The following HDAC4 variants were observed in gnomAD, a reference collection of about 807,000 sequenced individuals.
HDAC4 encodes the protein histone deacetylase 4.
A neutral mutation model predicts 135.1 loss-of-function variants in HDAC4; 16 were observed. The observed-to-expected ratio is 0.12, with a 90% CI of 0.08 to 0.18. The LOEUF is 0.18. Among genes scored for constraint, HDAC4 ranks in the 10% least tolerant of loss-of-function variants. HDAC4 has a pLI of 1.00. For synonymous variants in HDAC4, 685 were observed against 653.4 expected, an observed-to-expected ratio of 1.05 and a Z score of -0.74; for missense variants, 1,143 against 1,511.8, an observed-to-expected ratio of 0.76 and a Z score of 4.05.
chr2:239,202,651 C>A (rs930391456), intron 3 of HDAC4, among the ~76,000 whole-genome samples: 1 of 152,034 alleles, frequency 6.6e-6, no homozygotes, highest in Admixed American at 6.6e-5. Flanking sequence ...ACCCTCCACG[C>A]GGGAGGGGCG....
At chr2:239,216,404 T>G (rs1428402021) in intron 3 of HDAC4, among the ~76,000 whole-genome samples, 3 of 152,050 alleles carry the variant, frequency 2.0e-5, no homozygotes, top group Non-Finnish European at 2.9e-5. Flanking sequence ...CAACTGGCGA[T>G]GAGGAGGAAG....
rs1377178016 is a variant in HDAC4 at position 239,146,476 on chromosome 2, C to T, written c.734-1762G>A. Among the ~76,000 whole-genome samples, 1 of 152,106 alleles carries T rather than the reference C, an allele frequency of 6.6e-6. No homozygotes were observed. The highest frequency in any genetic ancestry group is 2.4e-5 in the African/African-American group (1 of 41,416). On this transcript the variant is annotated intron_variant, in intron 7 of 26. Transcript: ENST00000543185. This position sits in a 1 kb window ranked among gnomAD's most constrained non-coding sequence, Gnocchi z 4.5. ...CTGCCACATAGAGTGGGACACGTGG[C>T]ATCGGGAGGCGGGCATGACATGGTC...
At chr2:239,365,963 T>C (rs1352328930) in intron 1 of HDAC4, among the ~76,000 whole-genome samples, 2 of 143,884 alleles carry the variant, frequency 1.4e-5, no homozygotes, top group East Asian at 4.3e-4. Context: ...CAGACATGCA[T>C]GCACACAGCA....
At chr2:239,062,070 G>A (rs2032826546) in intron 24 of HDAC4, among the ~76,000 whole-genome samples, 1 of 152,360 alleles carries the variant, frequency 6.6e-6, no homozygotes, top group East Asian at 1.9e-4. Flanking sequence ...GCGCCCACAC[G>A]ACTCCACGGC....
intron 2 of HDAC4, among the ~76,000 whole-genome samples, chr2:239,263,275 G>GGA (rs2049491542): frequency 1.3e-5 from 1 of 79,554 alleles, no homozygotes. Context: ...CCCCCGCCCA[G>GGA]CCCAGCCCCC....
At chr2:239,217,069 C>T (rs2046682842) in intron 3 of HDAC4, among the ~76,000 whole-genome samples, 1 of 152,158 alleles carries the variant, frequency 6.6e-6, no homozygotes, top group Non-Finnish European at 1.5e-5. Context: ...GGCAGACATT[C>T]TCACACCCTG....
In HDAC4 at chr2:239,313,165, G is replaced by A. The variant is rs2052967864; in HGVS notation, c.22+39513C>T. 6.6e-6 allele frequency among the ~76,000 whole-genome samples: 1 copy of A among 152,158 alleles called. No homozygotes were observed. Among genetic ancestry groups the A allele is most frequent in the African/African-American group, 2.4e-5 (1 of 41,438 alleles). On this transcript the variant is annotated intron_variant, in intron 2 of 26. Coordinates refer to ENST00000543185, the MANE Select transcript of HDAC4 (RefSeq NM_001378414.1). This position sits in a 1 kb window ranked among gnomAD's most constrained non-coding sequence, Gnocchi z 5.1. ...AGGAAGCTGCAGCCCGTTATCCACC[G>A]CCCAGTCTCTCCCTCTCACCAGCAC...
chr2:239,185,949 G>A (rs990361654), intron 4 of HDAC4, among the ~76,000 whole-genome samples: 18 of 152,118 alleles, frequency 1.2e-4, no homozygotes, highest in African/African-American at 2.2e-4. Flanking sequence ...CATGAGCATC[G>A]CTTGAACCTG....
chr2:239,109,943 G>A (rs1027740800), intron 14 of HDAC4, among the ~76,000 whole-genome samples: 2 of 152,322 alleles, frequency 1.3e-5, no homozygotes, highest in South Asian at 4.1e-4. Flanking sequence ...CTGGAGCGTA[G>A]AGAGATGGAG....
Position 239,084,158 on chromosome 2 carries a change from G to A in HDAC4, c.2529C>T (p.Asp843=). Residue 843 remains aspartate, a synonymous_variant, in exon 20 of 27, where the codon GAC becomes GAT. Transcript: ENST00000543185. ...RLSVSKILIV[D]WDVHHGNGTQ... is the part of the protein sequence containing the mutation. ...TGGCCAAGGCGGCTCTGCTTACCCA[G>A]TCCACGATGAGGATCTTGCTCACGC... 1 of 1,612,288 alleles carries A rather than the reference G, an allele frequency of 6.2e-7. No homozygotes were observed. Among genetic ancestry groups the A allele is most frequent in the Non-Finnish European group, 8.5e-7 (1 of 1,178,736 alleles).
Position 239,081,078 on chromosome 2 carries a change from G to A in HDAC4, c.2750+17C>T, listed in dbSNP as rs2152683309. ...AAAGCTGCTACTTCAGGTGTCATGT[G>A]AAGCCGGGAGGCTCACCTGAAGGCC... On this transcript the variant is annotated intron_variant, in intron 22 of 26. Coordinates refer to ENST00000543185, the MANE Select transcript of HDAC4 (RefSeq NM_001378414.1). The A allele has an allele frequency of 6.3e-7, 1 of 1,592,368 alleles. No individual in the cohort carries two copies. Among genetic ancestry groups the A allele is most frequent in the South Asian group, 1.1e-5 (1 of 90,158 alleles).
rs567175456 is a variant in HDAC4, at chr2:239,131,276, G to T, written c.1294+2969C>A. 2.0e-4 allele frequency among the ~76,000 whole-genome samples: 30 copies of T among 152,312 alleles called. 1 individual carries two copies. The highest frequency in any genetic ancestry group is 4.6e-4 in the Admixed American group (7 of 15,308). ...TCTGACAGTGACCTCACCCACAGAG[G>T]CCTCTGTTTCAAAGCATTTGTGGCT... is the stretch of plus-strand genomic sequence containing the variant. On this transcript the variant is annotated intron_variant, in intron 11 of 26. Coordinates refer to ENST00000543185, the MANE Select transcript of HDAC4 (RefSeq NM_001378414.1).
intron 1 of HDAC4, among the ~76,000 whole-genome samples, chr2:239,374,981 G>T (rs1007620868): frequency 6.6e-6 from 1 of 152,176 alleles, no homozygotes; most frequent in African/African-American, 2.4e-5. Context: ...TGAAGACCCA[G>T]GTGAGGGGTG....
At chr2:239,254,378 C>T (rs2048944050) in intron 2 of HDAC4, among the ~76,000 whole-genome samples, 1 of 128,252 alleles carries the variant, frequency 7.8e-6, no homozygotes, top group Non-Finnish European at 1.7e-5. Context: ...AAAATGTCCA[C>T]AAATATTAAA....
intron 8 of HDAC4, chr2:239,140,798 A>T (rs1477828516): frequency 3.0e-6 from 1 of 329,140 alleles, no homozygotes; most frequent in Non-Finnish European, 6.5e-6. Flanking sequence ...ATCCCCAGCA[A>T]AGCCTCCTCC....
chr2:239,185,075 T>C (rs555132858), intron 4 of HDAC4, among the ~76,000 whole-genome samples: 6 of 106,542 alleles, frequency 5.6e-5, no homozygotes, highest in Non-Finnish European at 1.0e-4. Context: ...CTGTGCCCTA[T>C]GGGTGGGTCC....
rs1398083436 is a variant in HDAC4 at position 239,068,811 on chromosome 2, T to C, written c.2751-204A>G. ...TCAACCCACGTGTGATCCAGGCTCATTTCACATCTTCACAGTGCAAGCCAG... is the reference window on the plus strand; with the variant it reads ...TCAACCCACGTGTGATCCAGGCTCACTTCACATCTTCACAGTGCAAGCCAG... On this transcript the variant is annotated intron_variant, in intron 22 of 26. Transcript: ENST00000543185. The surrounding 1 kb of genome is among the most constrained non-coding windows in gnomAD (Gnocchi z 4.4). 2.0e-5 allele frequency: 13 copies of C among 636,628 alleles called. No individual in the cohort carries two copies. The highest frequency in any genetic ancestry group is 3.5e-5 in the Non-Finnish European group (12 of 344,828). 39.4% of individuals were successfully genotyped at this position (636,628 alleles called of 1,614,324 possible).
At position 239,331,642 on chromosome 2, in the gene HDAC4, G is replaced by GACCC. The variant is rs988135594; in HGVS notation, c.22+21032_22+21035dup. 2.0e-5 allele frequency among the ~76,000 whole-genome samples: 3 copies of GACCC among 152,156 alleles called. No individual in the cohort carries two copies. Among genetic ancestry groups the GACCC allele is most frequent in the Admixed American group, 2.0e-4 (3 of 15,272 alleles). ...ATGACACGTCGCCAGGGCTGCACTG[G>GACCC]ACCCACCGTGCGGGGACTGCCAGGT... On this transcript the variant is annotated intron_variant, in intron 2 of 26. Coordinates refer to ENST00000543185, the MANE Select transcript of HDAC4 (RefSeq NM_001378414.1). This position sits in a 1 kb window ranked among gnomAD's most constrained non-coding sequence, Gnocchi z 4.5.
chr2:239,367,638 TA>T (rs1220454065), intron 1 of HDAC4, among the ~76,000 whole-genome samples: 5 of 152,142 alleles, frequency 3.3e-5, no homozygotes, highest in Non-Finnish European at 5.9e-5. Context: ...ACAAAATTAT[TA>T]AAAATACTAT....
Sources: allele counts gnomAD v4.1 joint callset (sites outside exome capture counted in the v4.1 genomes callset), GRCh38; gene constraint gnomAD v4.1.1; non-coding constraint Gnocchi (gnomAD v3.1); transcripts MANE v1.5; gene names NCBI Gene and HGNC (gene_info 2026-07-23, HGNC 2026-07-21).